Variants in PVT1 observed in about 807,000 individuals in gnomAD.
The protein encoded by PVT1 is CXCR4/PVT1 fusion.
intron 3 of PVT1, among the ~76,000 whole-genome samples, chr8:127,967,679 C>T (rs563880387): frequency 6.6e-6 from 1 of 152,338 alleles, no homozygotes; most frequent in South Asian, 2.1e-4. Context: ...GACAGCTTGC[C>T]TGGGCAGTAC....
intron 3 of PVT1, among the ~76,000 whole-genome samples, chr8:127,925,268 A>G (rs535085647): frequency 1.3e-5 from 2 of 152,298 alleles, no homozygotes; most frequent in South Asian, 4.1e-4. Context: ...TTAAAAATCT[A>G]CTCATCTGTT....
At chr8:128,053,709 G>A (rs1164751438) in intron 4 of PVT1, among the ~76,000 whole-genome samples, 1 of 152,156 alleles carries the variant, frequency 6.6e-6, no homozygotes, top group Non-Finnish European at 1.5e-5. Flanking sequence ...ACAGAACAGA[G>A]GCTCTTTACG....
At position 127,927,808 on chromosome 8, in the gene PVT1, A is replaced by T. The variant is rs145860425; in HGVS notation, n.782+36810A>T. Among the ~76,000 whole-genome samples, 478 of 152,374 alleles carry T rather than the reference A, an allele frequency of 3.1e-3. 17 individuals carry two copies. The highest frequency in any genetic ancestry group is 0.026 in the Admixed American group (394 of 15,310). On this transcript the variant is annotated intron_variant and non_coding_transcript_variant, in intron 3 of 10. Transcript: ENST00000651587. ...GGTGCTCTGTCAGCAGTGACTTCTC[A>T]CTACCTGGCATCCTCTGAATTCACG...
chr8:127,892,930 G>A (rs375370452), intron 3 of PVT1, among the ~76,000 whole-genome samples: 3 of 152,230 alleles, frequency 2.0e-5, no homozygotes, highest in East Asian at 1.9e-4. Flanking sequence ...ACACCCTATC[G>A]TGGTGGCAGC....
chr8:127,799,808 G>A (rs557882799), intron 2 of PVT1, among the ~76,000 whole-genome samples: 1 of 152,280 alleles, frequency 6.6e-6, no homozygotes, highest in Admixed American at 6.5e-5. Context: ...ACTTCCTGTG[G>A]CTGCATGAAG....
Position 127,945,032 on chromosome 8 carries a change from G to A in PVT1, n.783-44130G>A, listed in dbSNP as rs1192083634. 7.2e-5 allele frequency among the ~76,000 whole-genome samples: 11 copies of A among 152,124 alleles called. No homozygotes were observed. In the East Asian group the frequency reaches 1.3e-3, roughly 19 times the overall value. On this transcript the variant is annotated intron_variant and non_coding_transcript_variant, in intron 3 of 10. Transcript: ENST00000651587. Reference sequence around the variant, plus strand: ...CTTTCCCCTGGGGGTCAAGGCAATAGGCTGATAAAACATAAAAATGAACCT... The same window carrying A: ...CTTTCCCCTGGGGGTCAAGGCAATAAGCTGATAAAACATAAAAATGAACCT...
chr8:127,840,791 G>T (rs1401053567), intron 2 of PVT1, among the ~76,000 whole-genome samples: 1 of 152,256 alleles, frequency 6.6e-6, no homozygotes, highest in Non-Finnish European at 1.5e-5. Flanking sequence ...TCCAACCAGG[G>T]AATGAAAAGT....
intron 4 of PVT1, among the ~76,000 whole-genome samples, chr8:128,006,783 AC>A (rs1264977869): frequency 1.3e-5 from 2 of 152,154 alleles, no homozygotes; most frequent in Non-Finnish European, 2.9e-5. Flanking sequence ...ATTGGTTATA[AC>A]CCATGACTAT....
chr8:127,900,011 CTTTAT>C (rs969772630), intron 3 of PVT1, among the ~76,000 whole-genome samples: 6 of 152,032 alleles, frequency 3.9e-5, no homozygotes, highest in Non-Finnish European at 8.8e-5. Flanking sequence ...GGATCATTGT[CTTTAT>C]TTTATTTTAT....
At chr8:128,017,594 A>AT (rs571581812) in intron 4 of PVT1, among the ~76,000 whole-genome samples, 3,990 of 140,718 alleles carry the variant, frequency 0.028, 114 homozygotes, top group African/African-American at 0.074. Context: ...ACCAAGCGCT[A>AT]TTTTTTTTTT....
At chr8:127,950,469 CT>C in intron 3 of PVT1, among the ~76,000 whole-genome samples, 1 of 152,250 alleles carries the variant, frequency 6.6e-6, no homozygotes. Flanking sequence ...GCTCCAACCA[CT>C]GCTCCACGCT....
At chr8:127,855,170 CAGT>C (rs2129740617) in intron 2 of PVT1, 2 of 398,656 alleles carry the variant, frequency 5.0e-6, no homozygotes, top group East Asian at 7.1e-5. Context: ...TAGCTGTCTG[CAGT>C]GCAGGAAGCC....
intron 4 of PVT1, among the ~76,000 whole-genome samples, chr8:128,058,674 G>A (rs1399001791): frequency 2.4e-4 from 37 of 152,144 alleles, no homozygotes; most frequent in Admixed American, 2.4e-3. Context: ...AAATCTTTGT[G>A]AATATGTTTT....
chr8:127,914,260 CAAAAAAAAAAAAAAAAAAAAAAAAA>C (rs60359946), intron 3 of PVT1, among the ~76,000 whole-genome samples: 4,414 of 47,992 alleles, frequency 0.092, 291 homozygotes, highest in East Asian at 0.28. Flanking sequence ...CCACCAACAG[CAAAAAAAAAAAAAAAAAAAAAAAAA>C]AAAAAAAAAA....
At chr8:127,984,376 T>A (rs1178591221) in intron 3 of PVT1, among the ~76,000 whole-genome samples, 1 of 152,190 alleles carries the variant, frequency 6.6e-6, no homozygotes, top group Admixed American at 6.5e-5. Flanking sequence ...TAGAGTGGTT[T>A]GTCAATAGTC....
chr8:127,875,624 T>C (rs549088669), intron 2 of PVT1, among the ~76,000 whole-genome samples: 5 of 152,204 alleles, frequency 3.3e-5, no homozygotes, highest in Non-Finnish European at 7.3e-5. Flanking sequence ...TGATATAGCG[T>C]GTACTCCTTT....
rs986840399 is a variant in PVT1 at position 128,049,705 on chromosome 8, G to C, written n.913-20455G>C. Among the ~76,000 whole-genome samples the C allele has an allele frequency of 4.5e-4, 68 of 152,312 alleles. 1 individual carries two copies. The highest frequency in any genetic ancestry group is 1.6e-3 in the African/African-American group (65 of 41,564). On this transcript the variant is annotated intron_variant and non_coding_transcript_variant, in intron 4 of 10. Transcript: ENST00000651587. ...GGCAGGCGGGGAGTGAGGTCAGGGG[G>C]CCTATCCTTCCACTGCCTCCCTGCT...
At chr8:128,020,714 A>T (rs972330504) in intron 4 of PVT1, among the ~76,000 whole-genome samples, 6 of 152,236 alleles carry the variant, frequency 3.9e-5, no homozygotes, top group African/African-American at 1.4e-4. Flanking sequence ...CCTAAGGAGC[A>T]CTGAGGTAAT....
intron 4 of PVT1, among the ~76,000 whole-genome samples, chr8:128,012,287 A>C (rs1481098901): frequency 6.6e-6 from 1 of 151,586 alleles, no homozygotes; most frequent in African/African-American, 2.4e-5. Flanking sequence ...TCTCTACTGT[A>C]CTCTTTACTC....
Sources: allele counts gnomAD v4.1 joint callset (sites outside exome capture counted in the v4.1 genomes callset), GRCh38; gene constraint gnomAD v4.1.1; transcripts MANE v1.5; gene names NCBI Gene and HGNC (gene_info 2026-07-23, HGNC 2026-07-21).